The following PRKG1 variants were observed in gnomAD, a reference collection of about 807,000 sequenced individuals.
PRKG1 encodes cGMP-dependent protein kinase 1.
In PRKG1, 35 loss-of-function variants were observed where a neutral mutation model predicts 88.1. That is an observed-to-expected ratio of 0.40 (90% CI 0.30 to 0.53). PRKG1 has a LOEUF of 0.53. PRKG1 is among the 20% of genes least tolerant of loss of function. The pLI is 0.59. For missense variants in PRKG1, 540 were observed against 839.8 expected (o/e 0.64, Z 4.41); for synonymous variants, 303 against 292.5 (o/e 1.04, Z -0.37).
At chr10:52,224,601 G>A (rs1441617307) in intron 9 of PRKG1, among the ~76,000 whole-genome samples, 1 of 74,194 alleles carries the variant, frequency 1.3e-5, no homozygotes, top group African/African-American at 4.6e-5. Flanking sequence ...CCCCACCTCC[G>A]ACTCTTCCCC....
chr10:52,203,877 T>C (rs1839740600), intron 9 of PRKG1, among the ~76,000 whole-genome samples: 1 of 152,114 alleles, frequency 6.6e-6, no homozygotes, highest in African/African-American at 2.4e-5. Flanking sequence ...TTGGTAGATT[T>C]TTCTCCATCC....
At chr10:51,979,898 A>T (rs1177666512) in intron 5 of PRKG1, among the ~76,000 whole-genome samples, 1 of 151,822 alleles carries the variant, frequency 6.6e-6, no homozygotes, top group Non-Finnish European at 1.5e-5. Context: ...TTATTAGTCT[A>T]GCTAGCAGTC....
At chr10:51,876,654 A>G (rs1841307800) in intron 4 of PRKG1, among the ~76,000 whole-genome samples, 1 of 152,104 alleles carries the variant, frequency 6.6e-6, no homozygotes, top group African/African-American at 2.4e-5. Context: ...TTTTCTTACC[A>G]TTTGAGACTC....
chr10:51,868,698 C>T (rs1019379401), intron 4 of PRKG1, among the ~76,000 whole-genome samples: 9 of 152,068 alleles, frequency 5.9e-5, no homozygotes, highest in African/African-American at 2.2e-4. Flanking sequence ...TCAAGAAAAG[C>T]TATCTATTTC....
intron 3 of PRKG1, among the ~76,000 whole-genome samples, chr10:51,756,307 T>G (rs960695906): frequency 6.6e-6 from 1 of 151,958 alleles, no homozygotes; most frequent in African/African-American, 2.4e-5. Flanking sequence ...GGAAATATAG[T>G]GAGACCCCAT....
upstream of PRKG1, among the ~76,000 whole-genome samples, chr10:51,071,195 C>T (rs1843822245): frequency 6.6e-6 from 1 of 152,156 alleles, no homozygotes; most frequent in Non-Finnish European, 1.5e-5. Flanking sequence ...CCAGCATTTA[C>T]TAAGTACAAC....
At chr10:51,569,128 C>T (rs1438544245) in intron 3 of PRKG1, among the ~76,000 whole-genome samples, 1 of 152,000 alleles carries the variant, frequency 6.6e-6, no homozygotes, top group Non-Finnish European at 1.5e-5. Context: ...CTTGTTCAAG[C>T]CCATATGTGT....
intron 7 of PRKG1, among the ~76,000 whole-genome samples, chr10:52,104,200 A>G (rs983783493): frequency 1.9e-4 from 29 of 151,856 alleles, no homozygotes; most frequent in Non-Finnish European, 3.2e-4. Flanking sequence ...ATAGGAATAC[A>G]TTAATTTACT....
At chr10:52,188,343 T>C (rs917072293) in intron 9 of PRKG1, among the ~76,000 whole-genome samples, 1 of 145,154 alleles carries the variant, frequency 6.9e-6, no homozygotes, top group Admixed American at 7.0e-5. Flanking sequence ...TATATATATA[T>C]ATTTCTTTTT....
chr10:52,194,292 A>G (rs927081989), intron 9 of PRKG1, among the ~76,000 whole-genome samples: 2 of 152,142 alleles, frequency 1.3e-5, no homozygotes, highest in African/African-American at 4.8e-5. Flanking sequence ...TGTCTAAATA[A>G]TTGAAGCTCC....
intron 3 of PRKG1, among the ~76,000 whole-genome samples, chr10:51,516,470 C>A (rs1450395626): frequency 2.6e-5 from 4 of 152,022 alleles, no homozygotes; most frequent in Non-Finnish European, 1.5e-5. Flanking sequence ...AGAGAGCAGG[C>A]ACACAGGGAT....
chr10:51,238,316 C>A (rs1337603075), intron 2 of PRKG1, among the ~76,000 whole-genome samples: 1 of 152,164 alleles, frequency 6.6e-6, no homozygotes, highest in Non-Finnish European at 1.5e-5. Context: ...CGAGATGGCT[C>A]ACGCCTATAA....
chr10:51,471,425 A>G (rs1218852663), intron 3 of PRKG1, among the ~76,000 whole-genome samples: 1 of 151,766 alleles, frequency 6.6e-6, no homozygotes, highest in Non-Finnish European at 1.5e-5. Context: ...TTGTTTGAAT[A>G]CCCCTTACTT....
intron 1 of PRKG1, among the ~76,000 whole-genome samples, chr10:51,035,771 A>C (rs2132751650): frequency 2.0e-5 from 3 of 152,342 alleles, no homozygotes; most frequent in African/African-American, 7.2e-5. Context: ...GCTTAAAAAA[A>C]CTACAAGCTT....
In PRKG1 at chr10:51,604,729, G is replaced by A. The variant is rs144166756; in HGVS notation, c.592+136893G>A. ...TGCCCACTGCTCAAAACCCTAGGGG[G>A]AGCATGCAGACAGGCAGGTGCAGAG... On this transcript the variant is annotated intron_variant, in intron 3 of 17. Coordinates refer to ENST00000373980, the MANE Select transcript of PRKG1 (RefSeq NM_006258.4). 7.1e-3 allele frequency among the ~76,000 whole-genome samples: 1,082 copies of A among 152,336 alleles called. 17 individuals are homozygous for A. Among genetic ancestry groups the A allele is most frequent in the African/African-American group, 0.025 (1,045 of 41,570 alleles).
At chr10:51,433,185 A>T (rs1838818839) in intron 2 of PRKG1, among the ~76,000 whole-genome samples, 1 of 152,058 alleles carries the variant, frequency 6.6e-6, no homozygotes, top group South Asian at 2.1e-4. Context: ...TAGAGCCACA[A>T]TTTTTTTTCT....
intron 2 of PRKG1, among the ~76,000 whole-genome samples, chr10:51,169,050 TA>T (rs1243468057): frequency 1.3e-5 from 2 of 152,188 alleles, no homozygotes. Flanking sequence ...TAGTTAGACT[TA>T]CAGTTCTAAA....
intron 12 of PRKG1, among the ~76,000 whole-genome samples, chr10:52,273,610 T>C (rs1418130828): frequency 6.6e-6 from 1 of 152,126 alleles, no homozygotes. Context: ...GTTATTCCCA[T>C]GGCCTTTCTT....
chr10:51,156,250 A>G (rs1846208226), intron 2 of PRKG1, among the ~76,000 whole-genome samples: 1 of 150,890 alleles, frequency 6.6e-6, no homozygotes, highest in Non-Finnish European at 1.5e-5. Flanking sequence ...CTTATGCTGC[A>G]TGATAAGGAG....
Sources: allele counts gnomAD v4.1 joint callset (sites outside exome capture counted in the v4.1 genomes callset), GRCh38; gene constraint gnomAD v4.1.1; transcripts MANE v1.5; gene names NCBI Gene and HGNC (gene_info 2026-07-23, HGNC 2026-07-21).